PAN3: variants seen among roughly 807,000 people sequenced by gnomAD.
The protein encoded by PAN3 is PAN2-PAN3 deadenylation complex subunit PAN3.
A neutral mutation model predicts 96.2 loss-of-function variants in PAN3; 19 were observed. The observed-to-expected ratio is 0.20, with a 90% CI of 0.14 to 0.29. The LOEUF (loss-of-function observed/expected upper bound fraction) is 0.29, where lower values mean the gene tolerates loss of function less well. Ranked by LOEUF, PAN3 falls within the 10% of genes least tolerant of loss-of-function variation. PAN3 has a pLI of 1.00. For missense variants in PAN3, 882 were observed against 1,108.1 expected, an observed-to-expected ratio of 0.80 and a Z score of 2.90; for synonymous variants, 433 against 406.6, an observed-to-expected ratio of 1.06 and a Z score of -0.78.
chr13:28,241,080 T>C (rs1451550977), intron 6 of PAN3, among the ~76,000 whole-genome samples: 9 of 151,906 alleles, frequency 5.9e-5, no homozygotes, highest in African/African-American at 1.5e-4. Context: ...GGGCAACATG[T>C]TGAGACCCTG....
intron 5 of PAN3, among the ~76,000 whole-genome samples, chr13:28,218,091 T>A (rs1005418531): frequency 1.3e-5 from 2 of 152,082 alleles, no homozygotes; most frequent in South Asian, 4.1e-4. Flanking sequence ...ATGCTATTTT[T>A]AATAGATTTT....
chr13:28,233,918 G>A (rs76146740), intron 6 of PAN3, among the ~76,000 whole-genome samples: 1 of 152,140 alleles, frequency 6.6e-6, no homozygotes, highest in Admixed American at 6.5e-5. Flanking sequence ...ATTAACCAAA[G>A]ATGTGTATCA....
At chr13:28,253,574 T>G (rs574162354) in intron 6 of PAN3, among the ~76,000 whole-genome samples, 17 of 152,178 alleles carry the variant, frequency 1.1e-4, no homozygotes, top group Admixed American at 6.5e-4. Flanking sequence ...CATGTTTTAT[T>G]TTGAATGTTC....
intron 14 of PAN3, among the ~76,000 whole-genome samples, chr13:28,272,464 T>C (rs898119536): frequency 2.0e-5 from 3 of 151,978 alleles, no homozygotes; most frequent in Non-Finnish European, 4.4e-5. Flanking sequence ...TTTGTAGAGA[T>C]AGAGGCTCAC....
At chr13:28,220,454 C>T (rs1026791344) in intron 6 of PAN3, 76 bp downstream of exon 6, 2 of 1,478,876 alleles carry the variant, frequency 1.4e-6, no homozygotes. Flanking sequence ...TTTATCAGAA[C>T]TGAAATTGTA....
chr13:28,203,261 T>C (rs1303524698), intron 5 of PAN3, among the ~76,000 whole-genome samples: 1 of 151,354 alleles, frequency 6.6e-6, no homozygotes, highest in Non-Finnish European at 1.5e-5. Flanking sequence ...TTGGGTAATA[T>C]ATGTAATTTT....
rs578244902 is a variant in PAN3, at chr13:28,232,338, T to C, written c.1000+11960T>C. Among the ~76,000 whole-genome samples the C allele has an allele frequency of 4.6e-5, 7 of 152,304 alleles. No homozygotes were observed. The South Asian group carries it at 1.4e-3, about 32-fold the overall frequency. On this transcript the variant is annotated intron_variant, in intron 6 of 18. Coordinates refer to ENST00000380958, the MANE Select transcript of PAN3 (RefSeq NM_175854.8). ...GTTCAGTTTACCCCGAATCTAGATGTTGGATACTTCAAGAGTAGAAAATTG... is the reference window on the plus strand; with the variant it reads ...GTTCAGTTTACCCCGAATCTAGATGCTGGATACTTCAAGAGTAGAAAATTG...
intron 1 of PAN3, among the ~76,000 whole-genome samples, chr13:28,159,975 A>G (rs563170120): frequency 2.6e-5 from 4 of 151,054 alleles, no homozygotes; most frequent in South Asian, 4.2e-4. Context: ...GTCTCGCTCT[A>G]TCACCCAGCT....
intron 1 of PAN3, among the ~76,000 whole-genome samples, chr13:28,169,845 G>A (rs539916113): frequency 6.6e-6 from 1 of 151,846 alleles, no homozygotes; most frequent in Admixed American, 6.6e-5. Context: ...TCAGGAGTTT[G>A]AGACCAGCCT....
rs540404445 is a variant in PAN3 at position 28,145,860 on chromosome 13, A to G, written c.430+6773A>G. 2.6e-5 allele frequency among the ~76,000 whole-genome samples: 4 copies of G among 151,390 alleles called. No individual in the cohort carries two copies. The South Asian group carries it at 8.3e-4, about 32-fold the overall frequency. On this transcript the variant is annotated intron_variant, in intron 1 of 18. Transcript: ENST00000380958. ...CTGCAGCCTCCACCTCCCAGGTTCA[A>G]GTGATTCTCAATTCTCATGTCTCGG... is the stretch of plus-strand genomic sequence containing the variant.
In PAN3 at chr13:28,156,005, T is replaced by C. The variant is rs564161112; in HGVS notation, c.430+16918T>C. On this transcript the variant is annotated intron_variant, in intron 1 of 18. Coordinates refer to ENST00000380958, the MANE Select transcript of PAN3 (RefSeq NM_175854.8). ...TTCTAGGATATGCTAGTAAGTGATA[T>C]GATAAGATCTGTGTTTTACCACCCC... Among the ~76,000 whole-genome samples, 5 of 152,282 alleles carry C rather than the reference T, an allele frequency of 3.3e-5. No homozygotes were observed. In the South Asian group the frequency reaches 8.3e-4, roughly 25 times the overall value.
At chr13:28,243,702 G>A (rs577720257) in intron 6 of PAN3, among the ~76,000 whole-genome samples, 7 of 151,770 alleles carry the variant, frequency 4.6e-5, no homozygotes, top group Non-Finnish European at 8.8e-5. Context: ...TTTTGTTTCT[G>A]TTGTGAGAGG....
chr13:28,235,692 CACAT>C (rs1457775523), intron 6 of PAN3, among the ~76,000 whole-genome samples: 58 of 106,244 alleles, frequency 5.5e-4, no homozygotes, highest in Non-Finnish European at 8.4e-4. Context: ...TACACACACA[CACAT>C]ACACACACAC....
At chr13:28,235,682 T>TACACACACATACACACACACACACACAC (rs1555285729) in intron 6 of PAN3, among the ~76,000 whole-genome samples, 2 of 123,398 alleles carry the variant, frequency 1.6e-5, no homozygotes, top group African/African-American at 7.0e-5. Flanking sequence ...TTCTCTAATA[T>TACACACACATACACACACACACACACAC]ACACACACAC....
intron 1 of PAN3, among the ~76,000 whole-genome samples, chr13:28,145,274 C>G (rs1458389121): frequency 6.8e-6 from 1 of 147,672 alleles, no homozygotes; most frequent in African/African-American, 2.6e-5. Context: ...TATGTGTGTA[C>G]ATATTACAGA....
chr13:28,190,789 A>G (rs1033906135), intron 4 of PAN3, among the ~76,000 whole-genome samples: 1 of 152,176 alleles, frequency 6.6e-6, no homozygotes, highest in Non-Finnish European at 1.5e-5. Context: ...AACCACTCCC[A>G]TGATTCAGTC....
At chr13:28,221,949 T>C (rs925750606) in intron 6 of PAN3, among the ~76,000 whole-genome samples, 1 of 152,208 alleles carries the variant, frequency 6.6e-6, no homozygotes, top group African/African-American at 2.4e-5. Flanking sequence ...GTGTTGTAAT[T>C]CAACTTTATA....
intron 6 of PAN3, among the ~76,000 whole-genome samples, chr13:28,231,808 G>A (rs368469034): frequency 3.9e-5 from 6 of 152,236 alleles, no homozygotes; most frequent in South Asian, 4.2e-4. Flanking sequence ...AGCTTGAGGC[G>A]GGAGGATTGA....
intron 5 of PAN3, among the ~76,000 whole-genome samples, chr13:28,217,800 G>T (rs1566196945): frequency 6.6e-6 from 1 of 151,538 alleles, no homozygotes; most frequent in Non-Finnish European, 1.5e-5. Context: ...CTGTCTTTAG[G>T]AAAGGATTAT....
Sources: gnomAD v4.1 joint callset for allele counts (sites outside exome capture counted in the v4.1 genomes callset) on GRCh38, gnomAD v4.1.1 for gene constraint, MANE v1.5 for transcripts, NCBI Gene and HGNC (gene_info 2026-07-23, HGNC 2026-07-21) for gene names.